Variants in GPHN observed in about 807,000 individuals in gnomAD.
GPHN encodes gephyrin.
In GPHN, 17 loss-of-function variants were observed where a neutral mutation model predicts 95.5. That is an observed-to-expected ratio of 0.18 (90% confidence interval 0.12 to 0.27). The LOEUF is 0.27. Among genes scored for constraint, GPHN ranks in the 10% least tolerant of loss-of-function variants. GPHN has a pLI of 1.00. For synonymous variants in GPHN, 320 were observed against 322.5 expected (o/e 0.99, Z 0.08); for missense variants, 660 against 978.1 (o/e 0.67, Z 4.34).
the GPHN span, among the ~76,000 whole-genome samples, chr14:67,693,280 G>A: frequency 6.6e-6 from 1 of 152,216 alleles, no homozygotes; most frequent in African/African-American, 2.4e-5. Flanking sequence ...GCTTACAGCT[G>A]TTCTCTGCAG....
At chr14:66,849,886 C>A (rs1390977061) in intron 4 of GPHN, among the ~76,000 whole-genome samples, 1 of 152,076 alleles carries the variant, frequency 6.6e-6, no homozygotes, top group Non-Finnish European at 1.5e-5. Flanking sequence ...ATTTCTCAAA[C>A]TCCGTTAACA....
In GPHN at chr14:66,711,185, C is replaced by T. The variant is rs146874940; in HGVS notation, c.143+30000C>T. ...ACTGCACCCTATTTGTAGTCTTAAC[C>T]CTCCCCCTCCACCCTTACTCCCAAG... On this transcript the variant is annotated intron_variant, in intron 2 of 22. Coordinates refer to ENST00000478722, the MANE Select transcript of GPHN (RefSeq NM_020806.5). Among the ~76,000 whole-genome samples, 3 of 152,086 alleles carry T rather than the reference C, an allele frequency of 2.0e-5. No individual in the cohort carries two copies. In the East Asian group the frequency reaches 5.8e-4, roughly 29 times the overall value.
chr14:67,586,965 G>T, the GPHN span: 4 of 1,540,702 alleles, frequency 2.6e-6, no homozygotes, highest in South Asian at 1.2e-5. Context: ...TATTTTAAGA[G>T]ATTAAATAAA....
intron 2 of GPHN, among the ~76,000 whole-genome samples, chr14:66,681,422 A>G (rs563402060): frequency 1.3e-5 from 2 of 152,296 alleles, no homozygotes; most frequent in Admixed American, 6.5e-5. Context: ...GGCTGATGAT[A>G]TCTTGCCAAT....
At chr14:66,881,611 A>C (rs1367560368) in intron 5 of GPHN, among the ~76,000 whole-genome samples, 1 of 151,936 alleles carries the variant, frequency 6.6e-6, no homozygotes, top group Non-Finnish European at 1.5e-5. Context: ...TAAATGGAGA[A>C]ATTATTTCTT....
At chr14:67,367,120 C>T in the GPHN span, among the ~76,000 whole-genome samples, 8 of 152,166 alleles carry the variant, frequency 5.3e-5, no homozygotes, top group Admixed American at 5.2e-4. Context: ...GGGTGGACTC[C>T]AGGTAGCCTA....
At chr14:66,835,842 A>G (rs933751232) in intron 4 of GPHN, among the ~76,000 whole-genome samples, 1 of 152,012 alleles carries the variant, frequency 6.6e-6, no homozygotes, top group Non-Finnish European at 1.5e-5. Context: ...CCCATTCACA[A>G]TTGCTTCAAA....
At chr14:66,944,332 C>A (rs762805467) in intron 8 of GPHN, among the ~76,000 whole-genome samples, 3 of 152,166 alleles carry the variant, frequency 2.0e-5, no homozygotes, top group Non-Finnish European at 4.4e-5. Flanking sequence ...CATTGAATCC[C>A]AGGCCACCAT....
intron 1 of GPHN, among the ~76,000 whole-genome samples, chr14:66,555,271 C>T (rs2059963927): frequency 6.6e-6 from 1 of 151,992 alleles, no homozygotes; most frequent in Admixed American, 6.6e-5. Flanking sequence ...CACATATTTG[C>T]CTAAATTGCA....
intron 1 of GPHN, among the ~76,000 whole-genome samples, chr14:66,516,556 G>T (rs2058254930): frequency 6.6e-6 from 1 of 152,034 alleles, no homozygotes; most frequent in Non-Finnish European, 1.5e-5. Context: ...TGGGTTCAGG[G>T]CATCAGAAAA....
At chr14:66,843,455 T>G (rs918381366) in intron 4 of GPHN, among the ~76,000 whole-genome samples, 5 of 152,222 alleles carry the variant, frequency 3.3e-5, no homozygotes, top group Admixed American at 3.3e-4. Flanking sequence ...CTGACTGAGT[T>G]AGACTGCTGA....
chr14:67,412,244 C>T, the GPHN span: 1 of 479,522 alleles, frequency 2.1e-6, no homozygotes, highest in Non-Finnish European at 3.5e-6. Flanking sequence ...CAGACCAAGT[C>T]GGGATTTCTG....
intron 1 of GPHN, among the ~76,000 whole-genome samples, chr14:66,625,646 TA>T (rs1471379373): frequency 6.6e-6 from 1 of 152,208 alleles, no homozygotes; most frequent in African/African-American, 2.4e-5. Flanking sequence ...TGCCTGTTTG[TA>T]ATAATACCCT....
At chr14:67,687,329 C>T in the GPHN span, among the ~76,000 whole-genome samples, 1 of 152,192 alleles carries the variant, frequency 6.6e-6, no homozygotes, top group African/African-American at 2.4e-5. Context: ...CTACCTACCT[C>T]ACCAGTCTCA....
chr14:66,895,316 C>T (rs1055526858), intron 5 of GPHN, among the ~76,000 whole-genome samples: 4 of 152,132 alleles, frequency 2.6e-5, no homozygotes, highest in African/African-American at 7.2e-5. Context: ...AGTGAGAACA[C>T]TTGGACACAG....
chr14:66,871,790 G>A (rs970836798), intron 4 of GPHN, among the ~76,000 whole-genome samples: 1 of 152,100 alleles, frequency 6.6e-6, no homozygotes, highest in Non-Finnish European at 1.5e-5. Flanking sequence ...TGAGGGGGAA[G>A]GGGAGGGAGG....
At chr14:66,643,482 G>A (rs1364320107) in intron 1 of GPHN, among the ~76,000 whole-genome samples, 2 of 152,074 alleles carry the variant, frequency 1.3e-5, no homozygotes, top group Non-Finnish European at 1.5e-5. Flanking sequence ...CAATCCAAAT[G>A]TCTACTTATA....
the GPHN span, chr14:67,336,870 C>T: frequency 7.0e-6 from 3 of 427,814 alleles, no homozygotes; most frequent in South Asian, 5.0e-5. Context: ...ACCAGATTTC[C>T]TAAATATCAG....
At chr14:66,543,827 T>C (rs569196456) in intron 1 of GPHN, among the ~76,000 whole-genome samples, 112 of 152,170 alleles carry the variant, frequency 7.4e-4, no homozygotes, top group Non-Finnish European at 1.4e-3. Context: ...CACCATTATC[T>C]CTCACCTGGA....
Sources: gnomAD v4.1 joint callset for allele counts (sites outside exome capture counted in the v4.1 genomes callset) on GRCh38, gnomAD v4.1.1 for gene constraint, MANE v1.5 for transcripts, NCBI Gene and HGNC (gene_info 2026-07-23, HGNC 2026-07-21) for gene names.